Variants in PTPRK observed in about 807,000 individuals in gnomAD.
The protein encoded by PTPRK is receptor-type tyrosine-protein phosphatase kappa.
Under a neutral mutation model 178.0 loss-of-function variants are expected in PTPRK, and 75 were observed. That is an observed-to-expected ratio of 0.42 (90% confidence interval 0.35 to 0.51). The LOEUF is 0.51. Ranked by LOEUF, PTPRK falls within the 20% of genes least tolerant of loss-of-function variation. The pLI, the probability that PTPRK is intolerant of heterozygous loss-of-function variation, is 0.02. For synonymous variants in PTPRK, 637 were observed against 620.6 expected, an observed-to-expected ratio of 1.03 and a Z score of -0.39; for missense variants, 1,441 against 1,797.8, an observed-to-expected ratio of 0.80 and a Z score of 3.59.
At chr6:128,408,283 G>A (rs754697573) in intron 1 of PTPRK, among the ~76,000 whole-genome samples, 4 of 152,134 alleles carry the variant, frequency 2.6e-5, no homozygotes, top group Admixed American at 2.0e-4. Flanking sequence ...AGCTACTCAG[G>A]AGGCTGAGGC....
At chr6:128,081,698 A>G (rs570323454) in intron 10 of PTPRK, among the ~76,000 whole-genome samples, 2 of 152,136 alleles carry the variant, frequency 1.3e-5, no homozygotes, top group African/African-American at 4.8e-5. Flanking sequence ...TACATATACA[A>G]TATGTATTTA....
At chr6:128,153,939 T>C (rs1797627995) in intron 7 of PTPRK, among the ~76,000 whole-genome samples, 2 of 151,772 alleles carry the variant, frequency 1.3e-5, no homozygotes, top group African/African-American at 2.4e-5. Flanking sequence ...TCACTCTCCA[T>C]GGTCCCAAGA....
chr6:128,451,671 G>A (rs1847814710), intron 1 of PTPRK, among the ~76,000 whole-genome samples: 1 of 151,678 alleles, frequency 6.6e-6, no homozygotes, highest in Non-Finnish European at 1.5e-5. Flanking sequence ...TTTATTTCCT[G>A]CAAAAATACG....
At chr6:128,468,586 T>G (rs1465500226) in intron 1 of PTPRK, among the ~76,000 whole-genome samples, 1 of 152,164 alleles carries the variant, frequency 6.6e-6, no homozygotes, top group Non-Finnish European at 1.5e-5. Context: ...AGAAAACTTT[T>G]TCTAAAATAG....
rs747922514 is a variant in PTPRK at position 127,970,247 on chromosome 6, C to A, written c.4303G>T (p.Glu1435Ter). ...QYRFCYDVAL[E>*]YLESS ...CCCAACTAAGATGATTCCAGGTACT[C>A]CAAAGCTACATCATAGCAGAAACGG... The change falls in exon 30 of 30, where the codon GAG becomes TAG. Residue 1435 changes from glutamate to a stop codon, truncating the protein, a stop_gained. Coordinates refer to ENST00000368226, the MANE Select transcript of PTPRK (RefSeq NM_002844.4). LOFTEE classifies it high-confidence loss of function. The A allele has an allele frequency of 6.2e-7, 1 of 1,610,554 alleles. No homozygotes were observed. Among genetic ancestry groups the A allele is most frequent in the South Asian group, 1.1e-5 (1 of 90,708 alleles).
chr6:128,112,449 T>C (rs1790832224), intron 7 of PTPRK, among the ~76,000 whole-genome samples: 1 of 152,060 alleles, frequency 6.6e-6, no homozygotes, highest in East Asian at 1.9e-4. Context: ...TCTCAGCATT[T>C]GATTTTAGGA....
intron 1 of PTPRK, among the ~76,000 whole-genome samples, chr6:128,487,962 A>G (rs1306051493): frequency 3.9e-5 from 6 of 152,138 alleles, no homozygotes; most frequent in Admixed American, 2.6e-4. Flanking sequence ...GGATAGTTGT[A>G]TATGTGAAGG....
At chr6:128,127,312 A>G (rs143607029) in intron 7 of PTPRK, among the ~76,000 whole-genome samples, 2 of 152,252 alleles carry the variant, frequency 1.3e-5, no homozygotes, top group African/African-American at 4.8e-5. Context: ...GAATTGGTTT[A>G]TTGATTATCT....
chr6:128,479,706 G>C (rs768334848), intron 1 of PTPRK, among the ~76,000 whole-genome samples: 2 of 152,156 alleles, frequency 1.3e-5, no homozygotes, highest in East Asian at 3.9e-4. Flanking sequence ...TTAATTGCTC[G>C]TTGAAAGCAG....
At chr6:128,192,978 T>G (rs986765959) in intron 6 of PTPRK, among the ~76,000 whole-genome samples, 1 of 151,480 alleles carries the variant, frequency 6.6e-6, no homozygotes, top group Admixed American at 6.6e-5. Flanking sequence ...ACTACGTAAA[T>G]TCTACCTAGT....
At chr6:128,091,070 C>A (rs556622971) in intron 7 of PTPRK, among the ~76,000 whole-genome samples, 25 of 152,248 alleles carry the variant, frequency 1.6e-4, no homozygotes, top group African/African-American at 5.8e-4. Context: ...CAAGCCCAAA[C>A]TGGGATTCTA....
chr6:128,451,832 T>C (rs1847832658), intron 1 of PTPRK, among the ~76,000 whole-genome samples: 1 of 152,176 alleles, frequency 6.6e-6, no homozygotes, highest in African/African-American at 2.4e-5. Flanking sequence ...AAATGGGTAC[T>C]TGAACCAAAA....
rs192211971 is a variant in PTPRK at position 128,161,740 on chromosome 6, A to T, written c.1162+22692T>A. ...AAATTTCAAAGTTTGATTTTCAAGAAGTACACTGTACTCTTATATGCTTAT... is the reference window on the plus strand; with the variant it reads ...AAATTTCAAAGTTTGATTTTCAAGATGTACACTGTACTCTTATATGCTTAT... On this transcript the variant is annotated intron_variant, in intron 7 of 29. Coordinates refer to ENST00000368226, the MANE Select transcript of PTPRK (RefSeq NM_002844.4). Among the ~76,000 whole-genome samples the T allele has an allele frequency of 8.3e-4, 126 of 151,772 alleles. 1 individual carries two copies. The highest frequency in any genetic ancestry group is 2.9e-3 in the African/African-American group (122 of 41,508).
At chr6:128,464,713 C>T (rs1198403989) in intron 1 of PTPRK, among the ~76,000 whole-genome samples, 1 of 134,604 alleles carries the variant, frequency 7.4e-6, no homozygotes, top group African/African-American at 2.8e-5. Context: ...CACATTCCCC[C>T]GTGAGTACCT....
intron 1 of PTPRK, among the ~76,000 whole-genome samples, chr6:128,439,605 C>T (rs934744419): frequency 1.3e-5 from 2 of 152,090 alleles, no homozygotes; most frequent in Admixed American, 6.5e-5. Context: ...GTCCAAACAC[C>T]AAGGAGTAAA....
intron 20 of PTPRK, 58 bp downstream of exon 20, chr6:127,991,236 T>A (rs906123711): frequency 7.5e-6 from 10 of 1,334,922 alleles, no homozygotes; most frequent in East Asian, 2.4e-5. Flanking sequence ...GTGTCTTACA[T>A]GTTGCTTCTC....
chr6:128,447,955 C>T (rs1376768511), intron 1 of PTPRK, among the ~76,000 whole-genome samples: 2 of 152,116 alleles, frequency 1.3e-5, no homozygotes, highest in Non-Finnish European at 2.9e-5. Flanking sequence ...GCCTGTAGCA[C>T]AAAAGCAAAG....
At chr6:128,500,623 T>C (rs1855413134) in intron 1 of PTPRK, 1 of 152,222 alleles carries the variant, frequency 6.6e-6, no homozygotes, top group African/African-American at 2.4e-5. Context: ...ATATGTCTTT[T>C]TCCTATTATA....
intron 1 of PTPRK, among the ~76,000 whole-genome samples, chr6:128,417,457 G>T (rs1471715017): frequency 2.0e-5 from 3 of 152,094 alleles, no homozygotes; most frequent in East Asian, 3.8e-4. Context: ...AAACTATAAT[G>T]GTTAATAATG....
Sources: allele counts gnomAD v4.1 joint callset (sites outside exome capture counted in the v4.1 genomes callset), GRCh38; gene constraint gnomAD v4.1.1; transcripts MANE v1.5; gene names NCBI Gene and HGNC (gene_info 2026-07-23, HGNC 2026-07-21).